Variants in EFNA5 observed in about 807,000 individuals in gnomAD.
The protein encoded by EFNA5 is ephrin A5, also known as ephrin-A5.
A neutral mutation model predicts 22.9 loss-of-function variants in EFNA5; 5 were observed. The observed-to-expected ratio is 0.22, with a 90% CI of 0.11 to 0.46. EFNA5 has a LOEUF of 0.46. Among genes scored for constraint, EFNA5 ranks in the 20% least tolerant of loss-of-function variants. The pLI, the probability that EFNA5 is intolerant of heterozygous loss-of-function variation, is 0.99. For missense variants in EFNA5, 237 were observed against 293.3 expected, an observed-to-expected ratio of 0.81 and a Z score of 1.40; for synonymous variants, 113 against 112.2, an observed-to-expected ratio of 1.01 and a Z score of -0.04.
At chr5:107,667,244 T>TA (rs943138562) in intron 1 of EFNA5, among the ~76,000 whole-genome samples, 2 of 152,184 alleles carry the variant, frequency 1.3e-5, no homozygotes, top group South Asian at 2.1e-4. Flanking sequence ...ATTCAACACA[T>TA]AAAAAAATCA....
At chr5:107,500,609 C>G (rs17449694) in intron 1 of EFNA5, among the ~76,000 whole-genome samples, 16,515 of 152,102 alleles carry the variant, frequency 0.11, 982 homozygotes, top group Middle Eastern at 0.18. Flanking sequence ...GGCTGTCTCA[C>G]CTCTTACCCT....
intron 1 of EFNA5, among the ~76,000 whole-genome samples, chr5:107,632,533 C>A (rs1750277969): frequency 6.6e-6 from 1 of 152,140 alleles, no homozygotes; most frequent in Non-Finnish European, 1.5e-5. Flanking sequence ...ACCTTCTCAT[C>A]TATTCTCCCC....
chr5:107,665,099 A>G (rs1243933769), intron 1 of EFNA5, among the ~76,000 whole-genome samples: 1 of 152,122 alleles, frequency 6.6e-6, no homozygotes, highest in African/African-American at 2.4e-5. Flanking sequence ...TTTTATTTTA[A>G]TGCTTTCTCT....
chr5:107,670,899 C>T lies in EFNA5; in HGVS notation c.-286G>A, dbSNP rs1029433598. On this transcript the variant is annotated 5_prime_UTR_variant, in exon 1 of 5. Coordinates refer to ENST00000333274, the MANE Select transcript of EFNA5 (RefSeq NM_001962.3). The stretch of plus-strand genomic sequence containing the variant: ...GAATCACAAGATGGAGAGAAGCGTG[C>T]GTGTGTGTGGTGGCGGCGGCGAGGG... The T allele has an allele frequency of 5.5e-6, 2 of 361,980 alleles. No homozygotes were observed. The highest frequency in any genetic ancestry group is 2.2e-5 in the African/African-American group (1 of 45,426). The allele number at this position is 361,980 out of a possible 1,614,324, so 22.4% of individuals were successfully genotyped here.
At chr5:107,502,920 C>T (rs574334055) in intron 1 of EFNA5, among the ~76,000 whole-genome samples, 69 of 152,292 alleles carry the variant, frequency 4.5e-4, no homozygotes, top group African/African-American at 1.5e-3. Flanking sequence ...CAGAGAGGCA[C>T]GCCAGTCAAC....
chr5:107,404,058 A>C (rs923196539), intron 2 of EFNA5, among the ~76,000 whole-genome samples: 1 of 152,210 alleles, frequency 6.6e-6, no homozygotes, highest in African/African-American at 2.4e-5. Context: ...TATTCATATA[A>C]TCCAACTTAT....
intron 1 of EFNA5, among the ~76,000 whole-genome samples, chr5:107,428,492 T>C (rs1006739436): frequency 2.0e-5 from 3 of 152,268 alleles, no homozygotes; most frequent in Non-Finnish European, 4.4e-5. Context: ...TTTTAACTAA[T>C]GTGTCTTTCC....
intron 1 of EFNA5, among the ~76,000 whole-genome samples, chr5:107,430,324 A>C (rs1748915443): frequency 6.6e-6 from 1 of 152,214 alleles, no homozygotes; most frequent in Admixed American, 6.5e-5. Context: ...CAAGAACAGC[A>C]GAAGGCAATG....
At chr5:107,662,504 G>C (rs1750983358) in intron 1 of EFNA5, among the ~76,000 whole-genome samples, 1 of 152,024 alleles carries the variant, frequency 6.6e-6, no homozygotes, top group Admixed American at 6.6e-5. Context: ...TAGGTCACTT[G>C]GTTTTCCAAA....
intron 1 of EFNA5, among the ~76,000 whole-genome samples, chr5:107,550,544 T>C (rs555349858): frequency 3.3e-5 from 5 of 152,316 alleles, no homozygotes; most frequent in African/African-American, 1.2e-4. Flanking sequence ...TACTTTGCAG[T>C]ATTGGTATAA....
intron 2 of EFNA5, among the ~76,000 whole-genome samples, chr5:107,413,648 T>C (rs1157247398): frequency 6.6e-6 from 1 of 152,202 alleles, no homozygotes; most frequent in Non-Finnish European, 1.5e-5. Flanking sequence ...CTGATTCTTA[T>C]CCTAACACAG....
At chr5:107,433,403 C>T (rs527293103) in intron 1 of EFNA5, among the ~76,000 whole-genome samples, 1 of 152,108 alleles carries the variant, frequency 6.6e-6, no homozygotes, top group Non-Finnish European at 1.5e-5. Flanking sequence ...TATGGTAGTT[C>T]TTGATAAACC....
intron 1 of EFNA5, among the ~76,000 whole-genome samples, chr5:107,513,897 T>C (rs1283067829): frequency 6.6e-6 from 1 of 151,978 alleles, no homozygotes; most frequent in Non-Finnish European, 1.5e-5. Flanking sequence ...TGTGATACAG[T>C]AAGAGAGGAG....
At chr5:107,436,576 C>A (rs1749115896) in intron 1 of EFNA5, among the ~76,000 whole-genome samples, 1 of 152,170 alleles carries the variant, frequency 6.6e-6, no homozygotes, top group Admixed American at 6.6e-5. Flanking sequence ...TCCTCTACTC[C>A]TGCTGGCCAG....
In EFNA5 at chr5:107,535,475, AC is replaced by A. The variant is rs564696293; in HGVS notation, c.126-107967del. 5.9e-5 allele frequency among the ~76,000 whole-genome samples: 9 copies of A among 152,340 alleles called. No homozygotes were observed. In the South Asian group the frequency reaches 1.9e-3, roughly 32 times the overall value. On this transcript the variant is annotated intron_variant, in intron 1 of 4. Transcript: ENST00000333274. Reference sequence around the variant, plus strand: ...AGAAAAACATAGAGTCAAAAATAAAACAAAAATTTTCAAAGAATGGAAAATA... The same window carrying A: ...AGAAAAACATAGAGTCAAAAATAAAAAAAAATTTTCAAAGAATGGAAAATA...
chr5:107,590,777 C>T (rs1749307115), intron 1 of EFNA5, among the ~76,000 whole-genome samples: 1 of 152,142 alleles, frequency 6.6e-6, no homozygotes, highest in Non-Finnish European at 1.5e-5. Flanking sequence ...TAAAGCTGGA[C>T]AAAACTCACT....
intron 1 of EFNA5, among the ~76,000 whole-genome samples, chr5:107,562,900 G>A (rs908054774): frequency 2.0e-5 from 3 of 152,142 alleles, no homozygotes; most frequent in African/African-American, 4.8e-5. Flanking sequence ...TATTTATAAT[G>A]TAATATTTAT....
At chr5:107,506,921 A>G (rs1265235908) in intron 1 of EFNA5, among the ~76,000 whole-genome samples, 1 of 152,212 alleles carries the variant, frequency 6.6e-6, no homozygotes, top group Non-Finnish European at 1.5e-5. Flanking sequence ...AAAATTCATT[A>G]AACATTTATT....
At chr5:107,403,293 T>C (rs1166948657) in intron 2 of EFNA5, among the ~76,000 whole-genome samples, 1 of 152,196 alleles carries the variant, frequency 6.6e-6, no homozygotes, top group African/African-American at 2.4e-5. Context: ...AACACATCTC[T>C]GGACAGGAAT....
Sources: allele counts gnomAD v4.1 joint callset (sites outside exome capture counted in the v4.1 genomes callset), GRCh38; gene constraint gnomAD v4.1.1; transcripts MANE v1.5; gene names NCBI Gene and HGNC (gene_info 2026-07-23, HGNC 2026-07-21).